Variants in FAT3 observed in about 807,000 individuals in gnomAD.
The protein encoded by FAT3 is protocadherin Fat 3.
In FAT3, 95 loss-of-function variants were observed where a neutral mutation model predicts 310.2. That is an observed-to-expected ratio of 0.31 (90% CI 0.26 to 0.36). The LOEUF (loss-of-function observed/expected upper bound fraction) is 0.36, where lower values mean the gene tolerates loss of function less well. Among genes scored for constraint, FAT3 ranks in the 10% least tolerant of loss-of-function variants. FAT3 has a pLI of 1.00. For synonymous variants in FAT3, 2,314 were observed against 2,192.9 expected (o/e 1.06, Z -1.54); for missense variants, 5,408 against 5,715.6 (o/e 0.95, Z 1.74).
intron 2 of FAT3, among the ~76,000 whole-genome samples, chr11:92,426,460 TC>T (rs1413738238): frequency 1.3e-5 from 2 of 152,214 alleles, no homozygotes; most frequent in Non-Finnish European, 2.9e-5. Context: ...CATGCCTATG[TC>T]CTGAAAGGTA....
At chr11:92,344,887 C>T (rs2134598558) in intron 1 of FAT3, among the ~76,000 whole-genome samples, 1 of 152,244 alleles carries the variant, frequency 6.6e-6, no homozygotes, top group East Asian at 1.9e-4. Context: ...ACTATATCTA[C>T]TGTGCTTTCA....
At chr11:92,651,820 G>C (rs1044028002) in intron 3 of FAT3, among the ~76,000 whole-genome samples, 2 of 152,114 alleles carry the variant, frequency 1.3e-5, no homozygotes, top group Non-Finnish European at 2.9e-5. Flanking sequence ...AGCTATAGTT[G>C]TCAAAATTTT....
chr11:92,796,622 A>G (rs1022450405), intron 9 of FAT3, among the ~76,000 whole-genome samples: 3 of 152,184 alleles, frequency 2.0e-5, no homozygotes, highest in Non-Finnish European at 4.4e-5. Context: ...AATAACCAAG[A>G]TCTTTAACTT....
At chr11:92,341,253 C>T (rs1239347593) in intron 1 of FAT3, among the ~76,000 whole-genome samples, 1 of 152,078 alleles carries the variant, frequency 6.6e-6, no homozygotes, top group Non-Finnish European at 1.5e-5. Context: ...GAAGAGGATC[C>T]CACTGACTCA....
At chr11:92,693,382 C>T (rs984141088) in intron 3 of FAT3, among the ~76,000 whole-genome samples, 3 of 152,302 alleles carry the variant, frequency 2.0e-5, no homozygotes, top group African/African-American at 4.8e-5. Context: ...ACACCTCTCT[C>T]GTATAGATTA....
At chr11:92,724,975 A>G (rs1216753999) in intron 4 of FAT3, among the ~76,000 whole-genome samples, 6 of 152,212 alleles carry the variant, frequency 3.9e-5, no homozygotes. Flanking sequence ...CTTCTCTCAC[A>G]GCAATAAGAA....
chr11:92,225,225 G>A (rs11019877), intron 1 of FAT3, among the ~76,000 whole-genome samples, 51 bp downstream of exon 1: 22,902 of 152,244 alleles, frequency 0.15, 2,053 homozygotes, highest in East Asian at 0.38. Context: ...GCACCGACTG[G>A]AGCGCGCCTG....
intron 2 of FAT3, among the ~76,000 whole-genome samples, chr11:92,357,272 A>T (rs564648233): frequency 6.6e-6 from 1 of 152,316 alleles, no homozygotes; most frequent in African/African-American, 2.4e-5. Context: ...GGGGCTGATA[A>T]TTACCAACTC....
intron 21 of FAT3, among the ~76,000 whole-genome samples, chr11:92,864,049 A>T (rs186188718): frequency 6.6e-6 from 1 of 152,354 alleles, no homozygotes; most frequent in African/African-American, 2.4e-5. Flanking sequence ...CAACAAAAAT[A>T]AAAATAAAAA....
chr11:92,444,671 A>G (rs4753407), intron 2 of FAT3, among the ~76,000 whole-genome samples: 91,046 of 122,610 alleles, frequency 0.74, 32,416 homozygotes, highest in Non-Finnish European at 0.8. Context: ...GGGGGGGGGG[A>G]AAACATACAG....
chr11:92,434,527 G>A (rs1158900436), intron 2 of FAT3, among the ~76,000 whole-genome samples: 1 of 152,138 alleles, frequency 6.6e-6, no homozygotes, highest in African/African-American at 2.4e-5. Flanking sequence ...ATGAAAGTGG[G>A]ATTTAGGGGA....
intron 5 of FAT3, among the ~76,000 whole-genome samples, chr11:92,763,884 G>A (rs993804867): frequency 8.5e-5 from 13 of 152,136 alleles, no homozygotes; most frequent in Admixed American, 2.6e-4. Context: ...TTCTCACCCC[G>A]CAGGGAGTTT....
chr11:92,243,967 AT>A (rs1312072954), intron 1 of FAT3, among the ~76,000 whole-genome samples: 14 of 152,240 alleles, frequency 9.2e-5, no homozygotes, highest in Non-Finnish European at 1.9e-4. Flanking sequence ...TGTCTTTCTT[AT>A]TATTCATTAT....
At chr11:92,569,486 C>G (rs914023620) in intron 3 of FAT3, among the ~76,000 whole-genome samples, 2 of 152,102 alleles carry the variant, frequency 1.3e-5, no homozygotes, top group African/African-American at 4.8e-5. Flanking sequence ...GGAATGTTAA[C>G]TCAGAAAGAA....
At chr11:92,868,874 A>G (rs1315678809) in intron 22 of FAT3, among the ~76,000 whole-genome samples, 2 of 152,354 alleles carry the variant, frequency 1.3e-5, no homozygotes, top group East Asian at 3.9e-4. Flanking sequence ...CATGGGGAAT[A>G]GCAATTTTCT....
intron 4 of FAT3, among the ~76,000 whole-genome samples, chr11:92,732,897 T>C (rs535503616): frequency 6.6e-6 from 1 of 152,310 alleles, no homozygotes; most frequent in Non-Finnish European, 1.5e-5. Context: ...GCAGGTGTGC[T>C]TCACTTGGAC....
intron 3 of FAT3, among the ~76,000 whole-genome samples, chr11:92,530,230 GT>G (rs2135380685): frequency 6.6e-6 from 1 of 152,230 alleles, no homozygotes; most frequent in African/African-American, 2.4e-5. Context: ...TTATTACCTG[GT>G]GAGCTTGCTA....
intron 3 of FAT3, among the ~76,000 whole-genome samples, chr11:92,603,569 G>T (rs1940133720): frequency 6.6e-6 from 1 of 152,148 alleles, no homozygotes; most frequent in African/African-American, 2.4e-5. Flanking sequence ...TTAGATATTT[G>T]GTTTTATGTC....
intron 13 of FAT3, among the ~76,000 whole-genome samples, chr11:92,818,428 G>A (rs914134045): frequency 1.9e-4 from 29 of 152,162 alleles, no homozygotes; most frequent in East Asian, 1.9e-4. Flanking sequence ...GGCTCTGTCC[G>A]TGTCTTCCAT....
Sources: gnomAD v4.1 joint callset for allele counts (sites outside exome capture counted in the v4.1 genomes callset) on GRCh38, gnomAD v4.1.1 for gene constraint, MANE v1.5 for transcripts, NCBI Gene and HGNC (gene_info 2026-07-23, HGNC 2026-07-21) for gene names.